MALRD1: variants seen among roughly 807,000 people sequenced by gnomAD.
MALRD1 encodes the protein MAM and LDL-receptor class A domain-containing protein 1.
In MALRD1, 247 loss-of-function variants were observed where a neutral mutation model predicts 242.1. The observed-to-expected ratio is 1.02, with a 90% confidence interval of 0.92 to 1.13. The LOEUF (loss-of-function observed/expected upper bound fraction) is 1.13, where lower values mean the gene tolerates loss of function less well. Among genes scored for constraint, MALRD1 ranks in the 50% most tolerant of loss-of-function variants. The pLI is 0.00. For synonymous variants in MALRD1, 995 were observed against 866.6 expected (o/e 1.15, Z -2.60); for missense variants, 2,989 against 2,533.1 (o/e 1.18, Z -3.86).
intron 5 of MALRD1, among the ~76,000 whole-genome samples, chr10:19,115,468 T>C (rs1836839691): frequency 6.6e-6 from 1 of 152,034 alleles, no homozygotes; most frequent in African/African-American, 2.4e-5. Context: ...TAGAGCTGAA[T>C]ACTGGAAAAT....
At chr10:19,200,110 T>C (rs1364101094) in intron 14 of MALRD1, among the ~76,000 whole-genome samples, 2 of 152,162 alleles carry the variant, frequency 1.3e-5, no homozygotes, top group Non-Finnish European at 2.9e-5. Context: ...CCTGGGTGAC[T>C]GAGTGAGACT....
chr10:19,406,120 T>A (rs1847092587), intron 28 of MALRD1, among the ~76,000 whole-genome samples: 1 of 152,182 alleles, frequency 6.6e-6, no homozygotes, highest in African/African-American at 2.4e-5. Flanking sequence ...GAGTTGCAAA[T>A]TGTTTTCAGG....
intron 38 of MALRD1, among the ~76,000 whole-genome samples, chr10:19,702,461 G>A (rs1183107692): frequency 2.6e-5 from 4 of 152,180 alleles, no homozygotes; most frequent in Admixed American, 6.5e-5. Context: ...TTATAGCAAT[G>A]ATGACATCAT....
At chr10:19,208,668 T>C (rs900287357) in intron 17 of MALRD1, among the ~76,000 whole-genome samples, 1 of 152,192 alleles carries the variant, frequency 6.6e-6, no homozygotes. Flanking sequence ...CTATATCTAA[T>C]AAGCTAGTAT....
At chr10:19,241,744 A>C (rs1014729745) in intron 18 of MALRD1, among the ~76,000 whole-genome samples, 9 of 151,960 alleles carry the variant, frequency 5.9e-5, no homozygotes, top group Non-Finnish European at 1.3e-4. Context: ...AGGTTTGGGT[A>C]TGTTGGATTT....
intron 29 of MALRD1, among the ~76,000 whole-genome samples, chr10:19,452,239 A>G (rs561606841): frequency 2.0e-4 from 31 of 152,220 alleles, no homozygotes; most frequent in Non-Finnish European, 4.0e-4. Flanking sequence ...TCAGGACAGA[A>G]GGAAACTGAG....
chr10:19,474,495 T>C (rs1332931), intron 29 of MALRD1, among the ~76,000 whole-genome samples: 131,027 of 152,018 alleles, frequency 0.86, 56,631 homozygotes, highest in East Asian at 1. Context: ...TTTAATCTAC[T>C]ATACATTTCG....
intron 26 of MALRD1, among the ~76,000 whole-genome samples, chr10:19,377,221 A>T (rs1006917553): frequency 6.6e-6 from 1 of 152,192 alleles, no homozygotes; most frequent in Non-Finnish European, 1.5e-5. Context: ...GAATAGTAAC[A>T]TCACTTCAAA....
rs1343536195 is a variant in MALRD1, at chr10:19,245,804, C to A, written c.2992-11880C>A. 5.3e-5 allele frequency among the ~76,000 whole-genome samples: 8 copies of A among 152,092 alleles called. No individual in the cohort carries two copies. In the South Asian group the frequency reaches 1.2e-3, roughly 24 times the overall value. On this transcript the variant is annotated intron_variant, in intron 18 of 39. Coordinates refer to ENST00000454679, the MANE Select transcript of MALRD1 (RefSeq NM_001142308.3). ...TGGTAAGAAAGACAAATTGGGGAAA[C>A]ATTAGATTAAATGATATGTAAAGTA...
At chr10:19,690,597 T>A (rs1842777517) in intron 36 of MALRD1, among the ~76,000 whole-genome samples, 1 of 151,970 alleles carries the variant, frequency 6.6e-6, no homozygotes, top group African/African-American at 2.4e-5. Context: ...ATCTTTATTT[T>A]TTGTTTTATC....
At chr10:19,137,601 C>T (rs1295398784) in intron 10 of MALRD1, among the ~76,000 whole-genome samples, 1 of 135,560 alleles carries the variant, frequency 7.4e-6, no homozygotes, top group Non-Finnish European at 1.6e-5. Context: ...GCGTGAGACT[C>T]CGTCTGAAAA....
At chr10:19,281,139 A>G (rs1304456290) in intron 20 of MALRD1, among the ~76,000 whole-genome samples, 1 of 152,186 alleles carries the variant, frequency 6.6e-6, no homozygotes, top group East Asian at 1.9e-4. Flanking sequence ...TAACTATCTA[A>G]TCTAGACTAA....
At chr10:19,169,003 G>C (rs560034320) in intron 13 of MALRD1, among the ~76,000 whole-genome samples, 20 of 152,234 alleles carry the variant, frequency 1.3e-4, no homozygotes, top group Admixed American at 9.2e-4. Flanking sequence ...TCACTCTCAA[G>C]AAGGCCAAGA....
At chr10:19,481,778 C>T (rs1837004290) in intron 29 of MALRD1, among the ~76,000 whole-genome samples, 1 of 151,932 alleles carries the variant, frequency 6.6e-6, no homozygotes, top group South Asian at 2.1e-4. Flanking sequence ...GGTTAAATGA[C>T]CAGCTAGCAT....
chr10:19,178,465 A>T (rs913646891), intron 14 of MALRD1, among the ~76,000 whole-genome samples: 3 of 152,168 alleles, frequency 2.0e-5, no homozygotes, highest in Admixed American at 1.3e-4. Context: ...AGGTTTACCC[A>T]GACTACCCAG....
Position 19,175,266 on chromosome 10 carries a change from G to T in MALRD1, c.1889G>T (p.Ser630Ile). ...SNATVALDDI[S>I]VSQECEISYK... ...GCTACCGTTGCTCTAGATGACATCA[G>T]TGTGTCCCAGGAATGTGAAATTTCC... is the stretch of plus-strand genomic sequence containing the variant. Residue 630 changes from serine (S) to isoleucine (I), a missense_variant, in exon 14 of 40, where the codon AGT becomes ATT. Physicochemically the swap from Ser to Ile is moderately radical, Grantham distance 142 (BLOSUM62 -2). Coordinates refer to ENST00000454679, the MANE Select transcript of MALRD1 (RefSeq NM_001142308.3). The T allele has an allele frequency of 8.1e-7, 1 of 1,230,614 alleles. No homozygotes were observed. Among genetic ancestry groups the T allele is most frequent in the Non-Finnish European group, 1.0e-6 (1 of 987,282 alleles). 76.2% of individuals were successfully genotyped at this position (1,230,614 alleles called of 1,614,324 possible).
At chr10:19,407,106 A>T (rs1031953546) in intron 28 of MALRD1, among the ~76,000 whole-genome samples, 3 of 152,120 alleles carry the variant, frequency 2.0e-5, no homozygotes, top group Non-Finnish European at 4.4e-5. Flanking sequence ...GGCTTCTATG[A>T]GCATGGATCA....
intron 38 of MALRD1, among the ~76,000 whole-genome samples, chr10:19,695,429 G>A (rs1358349367): frequency 6.6e-6 from 1 of 151,664 alleles, no homozygotes; most frequent in Non-Finnish European, 1.5e-5. Context: ...ATAAAGGAAA[G>A]AAGTTTAATG....
chr10:19,650,670 G>T (rs1840835173), intron 36 of MALRD1, among the ~76,000 whole-genome samples: 1 of 152,156 alleles, frequency 6.6e-6, no homozygotes, highest in East Asian at 1.9e-4. Context: ...GAGATAGGGA[G>T]TTTCTCAATT....
Sources: gnomAD v4.1 joint callset for allele counts (sites outside exome capture counted in the v4.1 genomes callset) on GRCh38, gnomAD v4.1.1 for gene constraint, MANE v1.5 for transcripts, NCBI Gene and HGNC (gene_info 2026-07-23, HGNC 2026-07-21) for gene names.